Variants in MTUS1 observed in about 807,000 individuals in gnomAD.
MTUS1 encodes microtubule-associated tumor suppressor 1.
In MTUS1, 109 loss-of-function variants were observed where a neutral mutation model predicts 120.8. The observed-to-expected ratio is 0.90, with a 90% CI of 0.77 to 1.06. The LOEUF is 1.06. Ranked by LOEUF, MTUS1 falls within the 50% of genes least tolerant of loss-of-function variation. MTUS1 has a pLI of 0.00. For missense variants in MTUS1, 2,210 were observed against 1,486.3 expected, an observed-to-expected ratio of 1.49 and a Z score of -8.01; for synonymous variants, 737 against 550.5, an observed-to-expected ratio of 1.34 and a Z score of -4.74.
rs1361163136 is a variant in MTUS1 at position 17,776,251 on chromosome 8, T to C, written c.-154-20290A>G. Reference sequence around the variant, plus strand: ...TAACCTAGAGATGGTTTACAGTCTATGGAAGGATGTGTTTTTATATGCAAA... The same window carrying C: ...TAACCTAGAGATGGTTTACAGTCTACGGAAGGATGTGTTTTTATATGCAAA... On this transcript the variant is annotated intron_variant, in intron 1 of 14. Coordinates refer to ENST00000693296, the MANE Select transcript of MTUS1 (RefSeq NM_001363059.2). Among the ~76,000 whole-genome samples the C allele has an allele frequency of 3.3e-5, 5 of 151,980 alleles. No homozygotes were observed. In the East Asian group the frequency reaches 7.7e-4, roughly 24 times the overall value.
At chr8:17,724,196 C>T (rs1007627107) in intron 3 of MTUS1, 2 of 441,854 alleles carry the variant, frequency 4.5e-6, no homozygotes, top group East Asian at 6.9e-5. Flanking sequence ...TGATACGACC[C>T]CCCATACTGG....
intron 6 of MTUS1, among the ~76,000 whole-genome samples, chr8:17,710,966 G>A (rs183451978): frequency 2.0e-4 from 31 of 152,286 alleles, no homozygotes; most frequent in African/African-American, 6.3e-4. Flanking sequence ...TCAGTCGGCA[G>A]TAGTATTTTG....
chr8:17,672,041 C>T (rs1046877183), intron 8 of MTUS1, among the ~76,000 whole-genome samples: 2 of 152,092 alleles, frequency 1.3e-5, no homozygotes, highest in African/African-American at 4.8e-5. Context: ...TGGACAAAAA[C>T]CTAGGCTTTG....
intron 12 of MTUS1, among the ~76,000 whole-genome samples, chr8:17,652,802 C>G (rs574454850): frequency 2.8e-4 from 43 of 151,232 alleles, no homozygotes; most frequent in African/African-American, 9.5e-4. Context: ...CGCCACTACA[C>G]TCCAGCCTGA....
intron 3 of MTUS1, chr8:17,734,183 G>T (rs533479748): frequency 6.6e-6 from 1 of 152,272 alleles, no homozygotes; most frequent in South Asian, 2.1e-4. Flanking sequence ...CAATCCCTCA[G>T]TGTCTGGTAC....
At chr8:17,715,723 T>C in intron 5 of MTUS1, 44 bp downstream of exon 5, 1 of 1,561,184 alleles carries the variant, frequency 6.4e-7, no homozygotes, top group Non-Finnish European at 8.6e-7. Context: ...CCAAGGACTT[T>C]AAGCGTCTTG....
chr8:17,691,093 C>T (rs1816852839), intron 6 of MTUS1, among the ~76,000 whole-genome samples: 1 of 152,160 alleles, frequency 6.6e-6, no homozygotes, highest in Admixed American at 6.5e-5. Context: ...CATATTCCTC[C>T]AGTGTCTCTT....
intron 1 of MTUS1, among the ~76,000 whole-genome samples, chr8:17,796,230 G>A (rs1347612079): frequency 3.3e-3 from 1 of 304 alleles, no homozygotes; most frequent in African/African-American, 8.6e-3. Flanking sequence ...GGATTACAAT[G>A]AGCCACCACG....
chr8:17,713,131 G>T, intron 6 of MTUS1, 83 bp downstream of exon 6: 2 of 1,146,562 alleles, frequency 1.7e-6, no homozygotes, highest in Non-Finnish European at 2.6e-6. Flanking sequence ...AAGCACACCA[G>T]TAAAAAATCA....
intron 1 of MTUS1, among the ~76,000 whole-genome samples, chr8:17,780,508 C>A (rs2050793155): frequency 6.6e-6 from 1 of 152,164 alleles, no homozygotes; most frequent in African/African-American, 2.4e-5. Flanking sequence ...TGGTTTTCAA[C>A]AAAAGACACC....
intron 1 of MTUS1, among the ~76,000 whole-genome samples, chr8:17,771,112 C>G (rs1391860162): frequency 6.6e-6 from 1 of 152,124 alleles, no homozygotes; most frequent in African/African-American, 2.4e-5. Context: ...GACTAATTAC[C>G]TATACCAATA....
chr8:17,719,027 G>A (rs1463052944), intron 4 of MTUS1, among the ~76,000 whole-genome samples: 5 of 152,030 alleles, frequency 3.3e-5, no homozygotes, highest in African/African-American at 1.2e-4. Flanking sequence ...AATATTAGCT[G>A]GACGTGGTGG....
intron 1 of MTUS1, among the ~76,000 whole-genome samples, chr8:17,760,915 A>C (rs1432833347): frequency 6.6e-6 from 1 of 152,150 alleles, no homozygotes; most frequent in East Asian, 1.9e-4. Context: ...CACCAGAACA[A>C]GGTATAACAC....
At chr8:17,717,733 T>C (rs1332690985) in intron 4 of MTUS1, among the ~76,000 whole-genome samples, 1 of 152,160 alleles carries the variant, frequency 6.6e-6, no homozygotes, top group Non-Finnish European at 1.5e-5. Context: ...ATGGTACTCC[T>C]GTGTCCCTTG....
intron 8 of MTUS1, among the ~76,000 whole-genome samples, chr8:17,657,549 CAG>C (rs1446238237): frequency 1.2e-4 from 17 of 147,518 alleles, no homozygotes; most frequent in African/African-American, 3.8e-4. Flanking sequence ...GCCTGGGCGA[CAG>C]AGAGAGACTC....
chr8:17,754,085 G>C lies in MTUS1; in HGVS notation c.1723C>G (p.His575Asp), dbSNP rs1323382664. The C allele has an allele frequency of 6.2e-7, 1 of 1,614,008 alleles. No homozygotes were observed. The highest frequency in any genetic ancestry group is 1.7e-5 in the Admixed American group (1 of 60,004). Residue 575 changes from histidine to aspartate, a missense_variant, in exon 2 of 15, where the codon CAT (histidine) becomes GAT (aspartate). By Grantham distance (81) the His-to-Asp change is moderately conservative. Transcript: ENST00000693296. ...ATGAGTTTATTAAACTGCTGCTTAT[G>C]TGTCTTGTTAATTAGAATTTCTGCT... Reference protein sequence around the residue: ...KKAEILINKTHKQQFNKLITS... With the variant: ...KKAEILINKTDKQQFNKLITS...
intron 1 of MTUS1, among the ~76,000 whole-genome samples, chr8:17,757,458 T>A (rs529437493): frequency 1.3e-5 from 2 of 152,198 alleles, no homozygotes; most frequent in Admixed American, 1.3e-4. Context: ...AACTACTGAA[T>A]TGTACACTTA....
intron 1 of MTUS1, among the ~76,000 whole-genome samples, chr8:17,787,824 G>A (rs1443652174): frequency 1.3e-5 from 2 of 152,146 alleles, no homozygotes; most frequent in East Asian, 1.9e-4. Flanking sequence ...TATTCATCCA[G>A]TCACGAAGAC....
intron 6 of MTUS1, among the ~76,000 whole-genome samples, chr8:17,705,047 A>C (rs1379877764): frequency 6.6e-6 from 1 of 152,000 alleles, no homozygotes; most frequent in African/African-American, 2.4e-5. Flanking sequence ...GCGGTGGTGC[A>C]ATCTCAGCTC....
Sources: gnomAD v4.1 joint callset for allele counts (sites outside exome capture counted in the v4.1 genomes callset) on GRCh38, gnomAD v4.1.1 for gene constraint, MANE v1.5 for transcripts, NCBI Gene and HGNC (gene_info 2026-07-23, HGNC 2026-07-21) for gene names.